The following BRD10 variants were observed in gnomAD, a reference collection of about 807,000 sequenced individuals.
BRD10 encodes the protein bromodomain containing 10, also known as uncharacterized bromodomain-containing protein 10.
the BRD10 span, among the ~76,000 whole-genome samples, chr9:5,984,267 A>G: frequency 6.6e-6 from 1 of 152,196 alleles, no homozygotes; most frequent in South Asian, 2.1e-4. Flanking sequence ...AGCACATACA[A>G]TAACAGTGTA....
chr9:5,922,142 C>G, the BRD10 span: 2 of 1,613,854 alleles, frequency 1.2e-6, no homozygotes, highest in South Asian at 1.1e-5. Flanking sequence ...GTTCCCACCT[C>G]GTGTCCTAAC....
chr9:5,929,129 T>C, the BRD10 span: 1 of 1,603,630 alleles, frequency 6.2e-7, no homozygotes, highest in Non-Finnish European at 8.5e-7. Context: ...TGTAATTCTT[T>C]TACAGCTTGC....
chr9:5,989,540 ATTTT>A, the BRD10 span, among the ~76,000 whole-genome samples: 1 of 137,928 alleles, frequency 7.3e-6, no homozygotes, highest in Non-Finnish European at 1.6e-5. Flanking sequence ...TAAAATGTAA[ATTTT>A]TTTTTTTTTT....
the BRD10 span, among the ~76,000 whole-genome samples, chr9:5,924,002 C>T: frequency 1.4e-4 from 21 of 152,124 alleles, no homozygotes; most frequent in African/African-American, 4.8e-4. Context: ...AGCCCTTTAT[C>T]CTTATTAAAA....
the BRD10 span, chr9:6,007,073 C>G: frequency 9.9e-7 from 1 of 1,009,682 alleles, no homozygotes; most frequent in Non-Finnish European, 1.5e-6. Context: ...CCGGGCTTCT[C>G]CAGCACCGAC....
chr9:5,955,176 TAAC>T, the BRD10 span, among the ~76,000 whole-genome samples: 1 of 151,868 alleles, frequency 6.6e-6, no homozygotes. Flanking sequence ...CAAAATCAAT[TAAC>T]AAACTGCTAA....
chr9:6,000,402 C>G, the BRD10 span, among the ~76,000 whole-genome samples: 1 of 152,066 alleles, frequency 6.6e-6, no homozygotes, highest in Non-Finnish European at 1.5e-5. Flanking sequence ...TTGTTCTGGG[C>G]AACTCTCATC....
the BRD10 span, among the ~76,000 whole-genome samples, chr9:5,994,959 G>A: frequency 2.0e-5 from 3 of 151,210 alleles, no homozygotes; most frequent in African/African-American, 7.3e-5. Flanking sequence ...GAGTGCAATG[G>A]CACCATCTCG....
chr9:5,943,294 T>G, the BRD10 span, among the ~76,000 whole-genome samples: 26 of 152,148 alleles, frequency 1.7e-4, no homozygotes, highest in Admixed American at 5.2e-4. Context: ...ATATATACCA[T>G]AAGTACATAA....
the BRD10 span, among the ~76,000 whole-genome samples, chr9:5,905,204 A>G: frequency 6.6e-6 from 1 of 152,304 alleles, no homozygotes; most frequent in South Asian, 2.1e-4. Flanking sequence ...AAATAATCCT[A>G]ATTCCTTCCT....
the BRD10 span, among the ~76,000 whole-genome samples, chr9:5,988,117 A>G: frequency 2.0e-5 from 3 of 152,234 alleles, no homozygotes; most frequent in Non-Finnish European, 2.9e-5. Flanking sequence ...CTAGAAATCT[A>G]GAAAGCACTC....
At chr9:5,992,833 G>C in the BRD10 span, among the ~76,000 whole-genome samples, 1 of 151,818 alleles carries the variant, frequency 6.6e-6, no homozygotes, top group East Asian at 1.9e-4. Flanking sequence ...TAACAAGAAA[G>C]TGAATTGATA....
the BRD10 span, among the ~76,000 whole-genome samples, chr9:5,952,026 T>TTTATTTATTTATTC: frequency 6.7e-6 from 1 of 149,386 alleles, no homozygotes; most frequent in African/African-American, 2.5e-5. Flanking sequence ...TTTATTTATT[T>TTTATTTATTTATTC]ATTTATTTAT....
chr9:5,920,580 G>T, the BRD10 span: 3 of 1,613,968 alleles, frequency 1.9e-6, no homozygotes, highest in Admixed American at 1.7e-5. Flanking sequence ...TCAGTTTGAG[G>T]TTTATTTGTG....
At chr9:5,929,583 A>G in the BRD10 span, among the ~76,000 whole-genome samples, 1 of 152,158 alleles carries the variant, frequency 6.6e-6, no homozygotes, top group Non-Finnish European at 1.5e-5. Flanking sequence ...CATGTCTAAA[A>G]GCAGTCTTTT....
chr9:5,967,307 C>G, the BRD10 span, among the ~76,000 whole-genome samples: 1 of 151,922 alleles, frequency 6.6e-6, no homozygotes, highest in African/African-American at 2.4e-5. Flanking sequence ...AGACAGACAA[C>G]AAGAAAAGCA....
chr9:5,973,091 G>A, the BRD10 span, among the ~76,000 whole-genome samples: 1 of 152,160 alleles, frequency 6.6e-6, no homozygotes, highest in African/African-American at 2.4e-5. Context: ...GTAATACATA[G>A]GTTAATTTAC....
chr9:5,947,031 CTTAA>C, the BRD10 span, among the ~76,000 whole-genome samples: 1 of 151,742 alleles, frequency 6.6e-6, no homozygotes, highest in Non-Finnish European at 1.5e-5. Context: ...TTTGAGATCT[CTTAA>C]TTATCAATTA....
the BRD10 span, among the ~76,000 whole-genome samples, chr9:5,893,356 T>A: frequency 6.6e-6 from 1 of 152,204 alleles, no homozygotes; most frequent in Non-Finnish European, 1.5e-5. Flanking sequence ...CACCCTCTTA[T>A]GTGGTCTGTC....
Sources: allele counts gnomAD v4.1 joint callset (sites outside exome capture counted in the v4.1 genomes callset), GRCh38; gene constraint gnomAD v4.1.1; transcripts MANE v1.5; gene names NCBI Gene and HGNC (gene_info 2026-07-23, HGNC 2026-07-21).